The following CBL variants were observed in gnomAD, a reference collection of about 807,000 sequenced individuals.
CBL encodes E3 ubiquitin-protein ligase CBL.
A neutral mutation model predicts 96.9 loss-of-function variants in CBL; 45 were observed. That is an observed-to-expected ratio of 0.46 (90% CI 0.37 to 0.60). The LOEUF is 0.60. Ranked by LOEUF, CBL falls within the 20% of genes least tolerant of loss-of-function variation. CBL has a pLI of 0.00. For missense variants in CBL, 1,024 were observed against 1,143.5 expected (o/e 0.90, Z 1.51); for synonymous variants, 420 against 426.8 (o/e 0.98, Z 0.20).
intron 2 of CBL, among the ~76,000 whole-genome samples, chr11:119,254,282 G>A (rs115919131): frequency 6.6e-6 from 1 of 152,142 alleles, no homozygotes; most frequent in African/African-American, 2.4e-5. Flanking sequence ...AAAAAGAAAT[G>A]TCACAATTTA....
chr11:119,234,500 T>C (rs1297498608), intron 2 of CBL, among the ~76,000 whole-genome samples: 1 of 152,222 alleles, frequency 6.6e-6, no homozygotes, highest in Non-Finnish European at 1.5e-5. Context: ...AAAAATAATT[T>C]TAATTCATGA....
chr11:119,294,385 C>G (rs529136109), intron 12 of CBL, among the ~76,000 whole-genome samples: 19 of 150,914 alleles, frequency 1.3e-4, no homozygotes, highest in African/African-American at 4.2e-4. Flanking sequence ...GCCAAGATCA[C>G]GCCATTGCAC....
At chr11:119,271,626 A>G (rs1187847601) in intron 2 of CBL, 109 bp from the exon 3 acceptor site, 1 of 941,102 alleles carries the variant, frequency 1.1e-6, no homozygotes, top group South Asian at 1.5e-5. Context: ...GGTTCTTTCT[A>G]AATGTATTTT....
Position 119,206,616 on chromosome 11 carries a change from A to C in CBL, c.195+4A>C. 6.5e-7 allele frequency: 1 copy of C among 1,546,738 alleles called. No individual in the cohort carries two copies. The highest frequency in any genetic ancestry group is 8.7e-7 in the Non-Finnish European group (1 of 1,145,594). ...GTGCTGGAAGCTCATGGACAAGGTG[A>C]AAGGCCGGCTGAGCGCCCGCTGTTG... On this transcript the variant is annotated splice_donor_region_variant and intron_variant, in intron 1 of 15. Coordinates refer to ENST00000264033, the MANE Select transcript of CBL (RefSeq NM_005188.4).
rs1949978036 is a variant in CBL at position 119,285,521 on chromosome 11, A to G, written c.1896A>G (p.Pro632=). 6 of 1,614,158 alleles carry G rather than the reference A, an allele frequency of 3.7e-6. No homozygotes were observed. The highest frequency in any genetic ancestry group is 5.1e-6 in the Non-Finnish European group (6 of 1,180,012). Residue 632 remains proline (P), a synonymous_variant, in exon 11 of 16, where the codon CCA becomes CCG. Transcript: ENST00000264033. ...FSLPSQMEPR[P]DVPRLGSTFS... Reference sequence around the variant, plus strand: ...TGCCCTCACAAATGGAGCCCAGACCAGATGTGCCTAGGCTCGGAAGCACGT... The same window carrying G: ...TGCCCTCACAAATGGAGCCCAGACCGGATGTGCCTAGGCTCGGAAGCACGT...
In CBL at chr11:119,206,446, G is replaced by C. The variant is rs1423866481; in HGVS notation, c.29G>C (p.Gly10Ala). The change falls in exon 1 of 16, where the codon GGG (glycine) becomes GCG (alanine). Residue 10 changes from glycine to alanine, a missense_variant. Around this residue, in one of 4 missense-constraint regions of CBL, gnomAD observed 114 missense variants for 117.4 expected, o/e 0.97. Transcript: ENST00000264033. MAGNVKKSS[G>A]AGGGSGSGGS... The stretch of plus-strand genomic sequence containing the variant: ...GCCGGCAACGTGAAGAAGAGCTCTG[G>C]GGCCGGGGGCGGCAGCGGCTCCGGG... 6.3e-7 allele frequency: 1 copy of C among 1,579,742 alleles called. No homozygotes were observed. The highest frequency in any genetic ancestry group is 1.8e-5 in the Admixed American group (1 of 55,720).
chr11:119,253,256 C>T (rs530941046), intron 2 of CBL, among the ~76,000 whole-genome samples: 1 of 151,910 alleles, frequency 6.6e-6, no homozygotes, highest in Admixed American at 6.6e-5. Flanking sequence ...TAAGTATTCT[C>T]ATAAGATTGT....
chr11:119,297,604 C>T lies in CBL; in HGVS notation c.2251+123C>T, dbSNP rs879180770. On this transcript the variant is annotated intron_variant, in intron 14 of 15. Coordinates refer to ENST00000264033, the MANE Select transcript of CBL (RefSeq NM_005188.4). ...TCTTCTGTAGCTGGGACTACAGGTA[C>T]GTGCCACCATGCCCGGCTAATTTTT... 50 of 746,862 alleles carry T rather than the reference C, an allele frequency of 6.7e-5. 1 individual carries two copies. The highest frequency in any genetic ancestry group is 6.5e-4 in the South Asian group (45 of 69,002). 46.3% of individuals were successfully genotyped at this position (746,862 alleles called of 1,614,324 possible).
At position 119,271,239 on chromosome 11, in the gene CBL, A is replaced by G. The variant is rs139035855; in HGVS notation, c.444-496A>G. Among the ~76,000 whole-genome samples, 77 of 152,356 alleles carry G rather than the reference A, an allele frequency of 5.1e-4. 1 individual carries two copies. The highest frequency in any genetic ancestry group is 1.8e-3 in the African/African-American group (73 of 41,574). ...CGTGATAGAGTGATTATAGCAGTGC[A>G]TAAGTTCTTACACTTATTTGTTGAA... On this transcript the variant is annotated intron_variant, in intron 2 of 15. Coordinates refer to ENST00000264033, the MANE Select transcript of CBL (RefSeq NM_005188.4).
chr11:119,280,509 C>T (rs1949924783), intron 9 of CBL, among the ~76,000 whole-genome samples: 1 of 152,022 alleles, frequency 6.6e-6, no homozygotes, highest in African/African-American at 2.4e-5. Context: ...ATGCCTGTTT[C>T]TTCACATCCT....
chr11:119,215,204 T>C (rs1949349521), intron 1 of CBL, among the ~76,000 whole-genome samples: 1 of 152,226 alleles, frequency 6.6e-6, no homozygotes, highest in South Asian at 2.1e-4. Context: ...TGCTGACTCT[T>C]GATATAGGAA....
At chr11:119,247,783 A>G (rs1321809351) in intron 2 of CBL, among the ~76,000 whole-genome samples, 1 of 152,174 alleles carries the variant, frequency 6.6e-6, no homozygotes, top group South Asian at 2.1e-4. Flanking sequence ...CTGCACTTCA[A>G]CTTGGGTGAC....
Position 119,299,423 on chromosome 11 carries a change from C to T in CBL, c.2435-72C>T, listed in dbSNP as rs546284238. ...GAAGTCAGTAATATCTTGATATTAG[C>T]ACATTTTTATTGCTGTTGTTAAATG... On this transcript the variant is annotated intron_variant, in intron 15 of 15. Transcript: ENST00000264033. 176 of 1,367,638 alleles carry T rather than the reference C, an allele frequency of 1.3e-4. No individual in the cohort carries two copies. In the African/African-American group the frequency reaches 2.2e-3, roughly 17 times the overall value. The allele number at this position is 1,367,638 out of a possible 1,614,324, so 84.7% of individuals were successfully genotyped here. A position where few individuals can be genotyped will look rare whatever the true frequency, so the allele number is the denominator to read the frequency against.
intron 2 of CBL, among the ~76,000 whole-genome samples, chr11:119,259,781 G>A (rs1484211514): frequency 1.3e-5 from 2 of 152,124 alleles, no homozygotes; most frequent in East Asian, 3.8e-4. Context: ...AATTGGCATC[G>A]TTTTCTTATA....
chr11:119,237,383 C>T (rs1035982635), intron 2 of CBL, among the ~76,000 whole-genome samples: 1 of 152,186 alleles, frequency 6.6e-6, no homozygotes, highest in African/African-American at 2.4e-5. Context: ...ACTTTCTTAA[C>T]AGTATGCCTT....
intron 2 of CBL, among the ~76,000 whole-genome samples, chr11:119,234,264 C>T (rs1046711422): frequency 1.3e-5 from 2 of 152,146 alleles, no homozygotes; most frequent in African/African-American, 4.8e-5. Flanking sequence ...CCTCAGCCTC[C>T]CAAAGTGTTG....
At chr11:119,210,560 C>T (rs1949307887) in intron 1 of CBL, among the ~76,000 whole-genome samples, 1 of 149,790 alleles carries the variant, frequency 6.7e-6, no homozygotes, top group Non-Finnish European at 1.5e-5. Context: ...CACCAAGTAG[C>T]TGGGATTATA....
intron 11 of CBL, among the ~76,000 whole-genome samples, chr11:119,287,449 G>T (rs1268603326): frequency 3.3e-5 from 5 of 152,214 alleles, no homozygotes; most frequent in Non-Finnish European, 5.9e-5. Context: ...AAAGGGTAAT[G>T]CTCAAGTGGT....
At chr11:119,243,335 T>C (rs1270707501) in intron 2 of CBL, among the ~76,000 whole-genome samples, 3 of 152,080 alleles carry the variant, frequency 2.0e-5, no homozygotes, top group African/African-American at 7.2e-5. Context: ...GATATTTATT[T>C]ATTTATTTAT....
Sources: gnomAD v4.1 joint callset for allele counts (sites outside exome capture counted in the v4.1 genomes callset) on GRCh38, gnomAD v4.1.1 for gene constraint, gnomAD v4.1.1 regional missense constraint, MANE v1.5 for transcripts, NCBI Gene and HGNC (gene_info 2026-07-23, HGNC 2026-07-21) for gene names.